Variants in SERPINF2 observed in about 807,000 individuals in gnomAD.
The protein encoded by SERPINF2 is serpin family F member 2.
A neutral mutation model predicts 45.0 loss-of-function variants in SERPINF2; 15 were observed. That is an observed-to-expected ratio of 0.33 (90% confidence interval 0.22 to 0.51). The LOEUF (loss-of-function observed/expected upper bound fraction) is 0.51, where lower values mean the gene tolerates loss of function less well. Ranked by LOEUF, SERPINF2 falls within the 20% of genes least tolerant of loss-of-function variation. The pLI is 0.97. For missense variants in SERPINF2, 518 were observed against 637.4 expected, an observed-to-expected ratio of 0.81 and a Z score of 2.02; for synonymous variants, 283 against 277.9, an observed-to-expected ratio of 1.02 and a Z score of -0.18.
intron 1 of SERPINF2, among the ~76,000 whole-genome samples, chr17:1,744,103 C>T (rs1905567162): frequency 1.3e-5 from 2 of 151,528 alleles, no homozygotes; most frequent in African/African-American, 2.4e-5. Flanking sequence ...CCATGTTGGC[C>T]AGGCTGGTCT....
In SERPINF2 at chr17:1,754,677, G is replaced by GGTT; in HGVS notation, c.*143_*144insGTT. 2 of 233,482 alleles carry GGTT rather than the reference G, an allele frequency of 8.6e-6. No individual in the cohort carries two copies. Among genetic ancestry groups the GGTT allele is most frequent in the Non-Finnish European group, 8.0e-6 (1 of 125,554 alleles). 14.5% of individuals were successfully genotyped at this position (233,482 alleles called of 1,614,324 possible). Reference sequence around the variant, plus strand: ...ATTCTTTCCCAACACCTCTTGGGGAGTTTAGGGTGGGGGGGGGGCGCGGCT... The same window carrying GGTT: ...ATTCTTTCCCAACACCTCTTGGGGAGGTTTTTAGGGTGGGGGGGGGGCGCGGCT... On this transcript the variant is annotated 3_prime_UTR_variant, in exon 10 of 10. Coordinates refer to ENST00000453066, the MANE Select transcript of SERPINF2 (RefSeq NM_000934.4).
rs376458796 is a variant in SERPINF2, at chr17:1,754,229, G to A, written c.1171G>A (p.Val391Met). 6 of 1,613,864 alleles carry A rather than the reference G, an allele frequency of 3.7e-6. No homozygotes were observed. Among genetic ancestry groups the A allele is most frequent in the African/African-American group, 2.7e-5 (2 of 74,932 alleles). The change falls in exon 10 of 10, where the codon GTG becomes ATG. Residue 391 changes from valine (V) to methionine (M), a missense_variant. Transcript: ENST00000453066. The part of the protein sequence containing the change: ...QSTLELSEVG[V>M]EAAAATSIAM... Reference sequence around the variant, plus strand: ...CACCCTGGAGCTCAGCGAGGTCGGCGTGGAGGCGGCGGCGGCCACCAGCAT... The same window carrying A: ...CACCCTGGAGCTCAGCGAGGTCGGCATGGAGGCGGCGGCGGCCACCAGCAT...
At chr17:1,747,556 C>T (rs1310053651) in intron 7 of SERPINF2, 44 bp downstream of exon 7, 1 of 1,589,200 alleles carries the variant, frequency 6.3e-7, no homozygotes, top group Admixed American at 1.7e-5. Flanking sequence ...GTAGGCTGAG[C>T]TGGGACGTGC....
At chr17:1,746,722 C>T (rs921549094) in intron 5 of SERPINF2, among the ~76,000 whole-genome samples, 10 of 152,100 alleles carry the variant, frequency 6.6e-5, no homozygotes, top group East Asian at 1.9e-4. Context: ...CCACCGCGCC[C>T]GGCCCCTCCT....
At position 1,745,071 on chromosome 17, in the gene SERPINF2, T is replaced by C. The variant is rs1403437615; in HGVS notation, c.63+13T>C. 1.2e-6 allele frequency: 2 copies of C among 1,608,832 alleles called. No individual in the cohort carries two copies. Among genetic ancestry groups the C allele is most frequent in the Admixed American group, 1.7e-5 (1 of 59,544 alleles). On this transcript the variant is annotated intron_variant, in intron 2 of 9. Coordinates refer to ENST00000453066, the MANE Select transcript of SERPINF2 (RefSeq NM_000934.4). This position sits in a 1 kb window ranked among gnomAD's most constrained non-coding sequence, Gnocchi z 6.2. ...CCCCTGCTCCGTGGTGAGGCTGGGC[T>C]GAAGTCAAGGTGGGGTGGGGTGGAG...
intron 1 of SERPINF2, chr17:1,744,507 C>CA (rs1373778154): frequency 5.1e-6 from 5 of 979,746 alleles, no homozygotes; most frequent in Admixed American, 6.2e-5. Flanking sequence ...AAATAAACAA[C>CA]AAAAAATCCC....
At chr17:1,744,937 C>T in intron 1 of SERPINF2, 55 bp from the exon 2 acceptor site, 5 of 1,611,896 alleles carry the variant, frequency 3.1e-6, no homozygotes, top group Non-Finnish European at 3.4e-6. Context: ...GGGTAGGATT[C>T]CCTGGCGGGC....
chr17:1,746,831 T>G (rs4525526), intron 5 of SERPINF2, among the ~76,000 whole-genome samples, 188 bp from the exon 6 acceptor site: 1 of 151,994 alleles, frequency 6.6e-6, no homozygotes, highest in Non-Finnish European at 1.5e-5. Flanking sequence ...AGGTAACTTG[T>G]GGGGGGTGAG....
At position 1,745,885 on chromosome 17, in the gene SERPINF2, C is replaced by G; in HGVS notation, c.343C>G (p.Leu115Val). The part of the protein sequence containing the change: ...NLILSPLSVA[L>V]ALSHLALGAQ... The stretch of plus-strand genomic sequence containing the variant: ...CATCCTGTCACCCCTGAGTGTGGCC[C>G]TGGCGCTGTCTCACCTGGCACTAGG... The change falls in exon 5 of 10, where the codon CTG (leucine) becomes GTG (valine). Residue 115 changes from leucine to valine, a missense_variant. Physicochemically the swap from Leu to Val is conservative, Grantham distance 32. Coordinates refer to ENST00000453066, the MANE Select transcript of SERPINF2 (RefSeq NM_000934.4). The surrounding 1 kb of genome is among the most constrained non-coding windows in gnomAD (Gnocchi z 6.2). 1 of 1,614,082 alleles carries G rather than the reference C, an allele frequency of 6.2e-7. No homozygotes were observed. Among genetic ancestry groups the G allele is most frequent in the Non-Finnish European group, 8.5e-7 (1 of 1,180,032 alleles).
At position 1,748,748 on chromosome 17, in the gene SERPINF2, T is replaced by A; in HGVS notation, c.858+8T>A. Reference sequence around the variant, plus strand: ...GAGCAGCCTGAGATCCAGGTCACCCTTGGTTGTCCAGCAGGCTGGGCCTGA... The same window carrying A: ...GAGCAGCCTGAGATCCAGGTCACCCATGGTTGTCCAGCAGGCTGGGCCTGA... On this transcript the variant is annotated splice_region_variant and intron_variant, in intron 8 of 9. Transcript: ENST00000453066. The A allele has an allele frequency of 7.3e-7, 1 of 1,363,892 alleles. No homozygotes were observed. Among genetic ancestry groups the A allele is most frequent in the Non-Finnish European group, 1.0e-6 (1 of 952,712 alleles). 84.5% of individuals were successfully genotyped at this position (1,363,892 alleles called of 1,614,324 possible).
intron 8 of SERPINF2, among the ~76,000 whole-genome samples, chr17:1,749,289 G>A (rs1906150369): frequency 6.6e-6 from 1 of 152,206 alleles, no homozygotes; most frequent in Non-Finnish European, 1.5e-5. Context: ...GCCAGGCGTG[G>A]TGGCAGGTGC....
intron 8 of SERPINF2, among the ~76,000 whole-genome samples, chr17:1,751,550 T>C (rs531663584): frequency 7.3e-6 from 1 of 136,284 alleles, no homozygotes; most frequent in Non-Finnish European, 1.7e-5. Context: ...GTCAGGAGAT[T>C]GAGACCATCC....
Position 1,747,535 on chromosome 17 carries a change from T to A in SERPINF2, c.715+23T>A, listed in dbSNP as rs746955915. The A allele has an allele frequency of 2.5e-6, 4 of 1,609,724 alleles. No individual in the cohort carries two copies. The South Asian group carries it at 4.4e-5, about 18-fold the overall frequency. On this transcript the variant is annotated intron_variant, in intron 7 of 9. Transcript: ENST00000453066. ...AGGGTGCGCTCCTCCTCCTCTCAGA[T>A]CCCCCACCCTGTAGGCTGAGCTGGG...
intron 7 of SERPINF2, among the ~76,000 whole-genome samples, chr17:1,747,773 A>AT (rs746257917): frequency 2.0e-5 from 3 of 152,026 alleles, no homozygotes; most frequent in Non-Finnish European, 4.4e-5. Context: ...CATGTTGGCC[A>AT]GGCTGGCCTT....
chr17:1,746,020 G>C (rs1905792237), intron 5 of SERPINF2, 111 bp downstream of exon 5: 1 of 1,221,398 alleles, frequency 8.2e-7, no homozygotes, highest in African/African-American at 1.5e-5. Context: ...TGGCTGTTTG[G>C]TAAAAATGCA....
At chr17:1,753,726 C>T (rs185024094) in intron 9 of SERPINF2, among the ~76,000 whole-genome samples, 1 of 152,258 alleles carries the variant, frequency 6.6e-6, no homozygotes, top group East Asian at 1.9e-4. Context: ...AATAAAGCAT[C>T]TATCCTTCAG....
At chr17:1,748,545 C>T in intron 7 of SERPINF2, 53 bp from the exon 8 acceptor site, 1 of 1,604,238 alleles carries the variant, frequency 6.2e-7, no homozygotes, top group Non-Finnish European at 8.5e-7. Context: ...CCCCTGCCCT[C>T]TGCCCCAAGC....
chr17:1,744,944 G>T (rs373510687), intron 1 of SERPINF2, 48 bp from the exon 2 acceptor site: 2 of 1,612,264 alleles, frequency 1.2e-6, no homozygotes, highest in African/African-American at 1.3e-5. Flanking sequence ...ATTCCCTGGC[G>T]GGCGTGGGGA....
rs1350237168 is a variant in SERPINF2 at position 1,746,816 on chromosome 17, A to T, written c.368-203A>T. Among the ~76,000 whole-genome samples the T allele has an allele frequency of 2.0e-5, 3 of 152,100 alleles. No homozygotes were observed. The East Asian group carries it at 5.8e-4, about 29-fold the overall frequency. ...CACTGTGGGAAACGGAAGCCCAGAGAGGGAAGGTAACTTGTGGGGGGTGAG... is the reference window on the plus strand; with the variant it reads ...CACTGTGGGAAACGGAAGCCCAGAGTGGGAAGGTAACTTGTGGGGGGTGAG... On this transcript the variant is annotated intron_variant, in intron 5 of 9. Transcript: ENST00000453066.
Sources: gnomAD v4.1 joint callset for allele counts (sites outside exome capture counted in the v4.1 genomes callset) on GRCh38, gnomAD v4.1.1 for gene constraint, Gnocchi (gnomAD v3.1) non-coding constraint, MANE v1.5 for transcripts, NCBI Gene and HGNC (gene_info 2026-07-23, HGNC 2026-07-21) for gene names.